The following CCBE1 variants were observed in gnomAD, a reference collection of about 807,000 sequenced individuals.
The protein encoded by CCBE1 is collagen and calcium-binding EGF domain-containing protein 1.
Under a neutral mutation model 50.0 loss-of-function variants are expected in CCBE1, and 37 were observed. That is an observed-to-expected ratio of 0.74 (90% confidence interval 0.57 to 0.97). The LOEUF is 0.97. CCBE1 is among the 50% of genes least tolerant of loss of function. CCBE1 has a pLI of 0.00. For missense variants in CCBE1, 538 were observed against 523.8 expected, an observed-to-expected ratio of 1.03 and a Z score of -0.26; for synonymous variants, 234 against 203.7, an observed-to-expected ratio of 1.15 and a Z score of -1.27.
At chr18:59,576,060 G>A (rs941982170) in intron 2 of CCBE1, among the ~76,000 whole-genome samples, 1 of 152,170 alleles carries the variant, frequency 6.6e-6, no homozygotes, top group Non-Finnish European at 1.5e-5. Flanking sequence ...TTGGCATCAT[G>A]TATTTAAGAT....
intron 2 of CCBE1, among the ~76,000 whole-genome samples, chr18:59,539,785 A>T (rs1915397613): frequency 1.3e-5 from 2 of 152,238 alleles, no homozygotes; most frequent in African/African-American, 4.8e-5. Context: ...ATATGCTCCA[A>T]AACTCACATA....
intron 2 of CCBE1, among the ~76,000 whole-genome samples, chr18:59,661,086 A>G (rs1187059115): frequency 1.3e-5 from 2 of 152,070 alleles, no homozygotes; most frequent in Admixed American, 6.6e-5. Context: ...CCAACAATAT[A>G]GAGCTAACAT....
chr18:59,454,538 A>G (rs922943118), intron 6 of CCBE1, among the ~76,000 whole-genome samples: 4 of 152,044 alleles, frequency 2.6e-5, no homozygotes, highest in African/African-American at 9.7e-5. Context: ...GAGTCACCGC[A>G]CCCGGCTGGA....
intron 2 of CCBE1, among the ~76,000 whole-genome samples, chr18:59,667,958 A>C (rs1252943230): frequency 6.6e-6 from 1 of 152,146 alleles, no homozygotes; most frequent in Non-Finnish European, 1.5e-5. Flanking sequence ...GAGGAACATC[A>C]CACACCGGGA....
chr18:59,652,311 G>C (rs1326148869), intron 2 of CCBE1, among the ~76,000 whole-genome samples: 1 of 152,182 alleles, frequency 6.6e-6, no homozygotes, highest in Non-Finnish European at 1.5e-5. Flanking sequence ...GGTTACACAA[G>C]TTGAGGATGC....
chr18:59,606,029 T>C (rs192333953), intron 2 of CCBE1, among the ~76,000 whole-genome samples: 1 of 152,334 alleles, frequency 6.6e-6, no homozygotes, highest in African/African-American at 2.4e-5. Context: ...GCAACCACGA[T>C]GATCTCAACG....
intron 2 of CCBE1, among the ~76,000 whole-genome samples, chr18:59,638,756 T>A (rs943063124): frequency 8.5e-5 from 13 of 152,142 alleles, no homozygotes; most frequent in African/African-American, 2.7e-4. Flanking sequence ...ACAAATGTCT[T>A]CAAGAAACAA....
chr18:59,692,943 T>C, intron 2 of CCBE1, among the ~76,000 whole-genome samples: 1 of 139,066 alleles, frequency 7.2e-6, no homozygotes, highest in African/African-American at 2.7e-5. Flanking sequence ...AAGAACCACT[T>C]TGTCAAGCCA....
chr18:59,443,445 T>TA (rs903488706), intron 7 of CCBE1, among the ~76,000 whole-genome samples: 1 of 150,494 alleles, frequency 6.6e-6, no homozygotes, highest in South Asian at 2.1e-4. Flanking sequence ...AAACTTGTGA[T>TA]AAAAAATCCA....
chr18:59,693,407 G>A (rs1324610334), intron 2 of CCBE1, among the ~76,000 whole-genome samples: 1 of 152,182 alleles, frequency 6.6e-6, no homozygotes, highest in Non-Finnish European at 1.5e-5. Context: ...GTCTCCCTGA[G>A]AGTGGGTGGA....
Position 59,556,186 on chromosome 18 carries a change from C to T in CCBE1, c.213-75948G>A, listed in dbSNP as rs530962923. On this transcript the variant is annotated intron_variant, in intron 2 of 10. Transcript: ENST00000439986. ...GCTGACCTACCTGCTGTGGCATTGT[C>T]ATGGGCTGCTTTGGGAAATGCATGA... is the stretch of plus-strand genomic sequence containing the variant. Among the ~76,000 whole-genome samples the T allele has an allele frequency of 3.9e-5, 6 of 152,334 alleles. No homozygotes were observed. The South Asian group carries it at 1.2e-3, about 32-fold the overall frequency.
chr18:59,491,589 G>C (rs180943389), intron 2 of CCBE1, among the ~76,000 whole-genome samples: 1 of 125,680 alleles, frequency 8.0e-6, no homozygotes, highest in East Asian at 1.9e-4. Flanking sequence ...CAAGGCGGGC[G>C]GATCACCTGA....
Position 59,533,783 on chromosome 18 carries a change from A to G in CCBE1, c.213-53545T>C, listed in dbSNP as rs565641815. Among the ~76,000 whole-genome samples, 14 of 152,340 alleles carry G rather than the reference A, an allele frequency of 9.2e-5. No homozygotes were observed. In the South Asian group the frequency reaches 2.9e-3, roughly 32 times the overall value. ...ATTGTTTTGCTTATACAGAAAGATC[A>G]TCTTGGTTGTGATATCCAAGTTACT... is the stretch of plus-strand genomic sequence containing the variant. On this transcript the variant is annotated intron_variant, in intron 2 of 10. Coordinates refer to ENST00000439986, the MANE Select transcript of CCBE1 (RefSeq NM_133459.4).
intron 2 of CCBE1, among the ~76,000 whole-genome samples, chr18:59,542,717 G>A (rs1416410767): frequency 1.3e-5 from 2 of 152,176 alleles, no homozygotes; most frequent in African/African-American, 2.4e-5. Flanking sequence ...GGGACTGAGG[G>A]TGCTTTGGAA....
At chr18:59,602,280 T>G (rs1027866508) in intron 2 of CCBE1, among the ~76,000 whole-genome samples, 3 of 152,194 alleles carry the variant, frequency 2.0e-5, no homozygotes, top group East Asian at 3.9e-4. Flanking sequence ...TTCCTGTGAC[T>G]GTCTGTCTTA....
chr18:59,492,073 A>C (rs1913129760), intron 2 of CCBE1, among the ~76,000 whole-genome samples: 2 of 141,076 alleles, frequency 1.4e-5, no homozygotes, highest in African/African-American at 5.4e-5. Context: ...TGAACCTGGA[A>C]GGGGGAGGTT....
chr18:59,463,336 T>C (rs1055334983), intron 5 of CCBE1, among the ~76,000 whole-genome samples: 1 of 152,142 alleles, frequency 6.6e-6, no homozygotes, highest in Non-Finnish European at 1.5e-5. Context: ...CAAGTGATCC[T>C]CCCATCTCAG....
chr18:59,584,504 AAT>A (rs1491066169), intron 2 of CCBE1, among the ~76,000 whole-genome samples: 10 of 121,116 alleles, frequency 8.3e-5, no homozygotes, highest in African/African-American at 2.8e-4. Context: ...GTATAATAAT[AAT>A]AAAAAAAGAA....
chr18:59,589,592 G>A (rs562915555), intron 2 of CCBE1, among the ~76,000 whole-genome samples: 5 of 152,110 alleles, frequency 3.3e-5, no homozygotes, highest in East Asian at 1.9e-4. Context: ...CCAGGAGATC[G>A]AGACCATCCT....
Sources: gnomAD v4.1 joint callset for allele counts (sites outside exome capture counted in the v4.1 genomes callset) on GRCh38, gnomAD v4.1.1 for gene constraint, MANE v1.5 for transcripts, NCBI Gene and HGNC (gene_info 2026-07-23, HGNC 2026-07-21) for gene names.